The following ITGA1 variants were observed in gnomAD, a reference collection of about 807,000 sequenced individuals.
ITGA1 encodes integrin alpha-1.
ITGA1 carries 85 observed loss-of-function variants against 145.9 expected under a neutral mutation model. That is an observed-to-expected ratio of 0.58 (90% CI 0.49 to 0.70). The LOEUF is 0.70. ITGA1 is among the 30% of genes least tolerant of loss of function. ITGA1 has a pLI of 0.00. For synonymous variants in ITGA1, 520 were observed against 495.3 expected, an observed-to-expected ratio of 1.05 and a Z score of -0.66; for missense variants, 1,351 against 1,418.7, an observed-to-expected ratio of 0.95 and a Z score of 0.77.
intron 9 of ITGA1, among the ~76,000 whole-genome samples, chr5:52,895,349 A>G (rs1462274178): frequency 6.6e-6 from 1 of 152,100 alleles, no homozygotes; most frequent in African/African-American, 2.4e-5. Context: ...TGTACAAGTC[A>G]TTTTTAAGTG....
At chr5:52,931,553 A>G (rs914096150) in intron 21 of ITGA1, 1 of 152,318 alleles carries the variant, frequency 6.6e-6, no homozygotes, top group Non-Finnish European at 1.5e-5. Flanking sequence ...AGTACTTAGT[A>G]TGGAAAGACT....
At chr5:52,886,167 G>A (rs1277021218) in intron 7 of ITGA1, among the ~76,000 whole-genome samples, 2 of 152,134 alleles carry the variant, frequency 1.3e-5, no homozygotes, top group African/African-American at 2.4e-5. Context: ...AGCCTGACTC[G>A]GTTTTGGTCA....
chr5:52,929,491 G>T, intron 20 of ITGA1, 134 bp from the exon 21 acceptor site: 1 of 619,632 alleles, frequency 1.6e-6, no homozygotes, highest in Non-Finnish European at 2.9e-6. Context: ...GATACAATAA[G>T]GTTTCATTTT....
intron 1 of ITGA1, among the ~76,000 whole-genome samples, chr5:52,827,301 A>T (rs1748985179): frequency 1.3e-5 from 2 of 152,284 alleles, no homozygotes; most frequent in South Asian, 4.1e-4. Context: ...TGATCTCATG[A>T]TAAAACTTTA....
At chr5:52,816,479 C>T (rs1580044038) in intron 1 of ITGA1, among the ~76,000 whole-genome samples, 1 of 152,212 alleles carries the variant, frequency 6.6e-6, no homozygotes, top group East Asian at 1.9e-4. Context: ...CCTATTGCCC[C>T]AACCCACATA....
At chr5:52,887,603 C>A (rs1416640487) in intron 7 of ITGA1, among the ~76,000 whole-genome samples, 1 of 152,136 alleles carries the variant, frequency 6.6e-6, no homozygotes, top group Non-Finnish European at 1.5e-5. Flanking sequence ...TGGTGATTAG[C>A]AAAACGGAGA....
chr5:52,859,603 C>A (rs1482650214), intron 2 of ITGA1, among the ~76,000 whole-genome samples: 1 of 152,200 alleles, frequency 6.6e-6, no homozygotes, highest in Non-Finnish European at 1.5e-5. Flanking sequence ...AATCCCATTT[C>A]TTTTCAATAT....
At chr5:52,884,256 CA>C (rs1415961522) in intron 7 of ITGA1, among the ~76,000 whole-genome samples, 1 of 151,868 alleles carries the variant, frequency 6.6e-6, no homozygotes. Context: ...GCAGCCTGGC[CA>C]ACATGGTGAA....
At chr5:52,888,340 A>C (rs927348220) in intron 8 of ITGA1, among the ~76,000 whole-genome samples, 1 of 152,146 alleles carries the variant, frequency 6.6e-6, no homozygotes, top group African/African-American at 2.4e-5. Context: ...AAGGCGGGAA[A>C]AATGCCTTTG....
At chr5:52,865,905 A>C (rs1186512930) in intron 6 of ITGA1, 88 bp downstream of exon 6, 2 of 1,101,642 alleles carry the variant, frequency 1.8e-6, no homozygotes, top group Non-Finnish European at 2.5e-6. Flanking sequence ...AAAGCAAATT[A>C]ATCAATAAAA....
chr5:52,911,172 C>CAT (rs1174849970), intron 14 of ITGA1, among the ~76,000 whole-genome samples: 6 of 127,734 alleles, frequency 4.7e-5, no homozygotes, highest in African/African-American at 1.7e-4. Flanking sequence ...ATATAGAGTA[C>CAT]ATATTGTATA....
At chr5:52,883,679 TAA>T (rs1750001539) in intron 7 of ITGA1, among the ~76,000 whole-genome samples, 1 of 152,182 alleles carries the variant, frequency 6.6e-6, no homozygotes, top group Non-Finnish European at 1.5e-5. Context: ...CTTTTGTCAA[TAA>T]ACTTACAGTA....
chr5:52,825,919 GA>G (rs33949308), intron 1 of ITGA1, among the ~76,000 whole-genome samples: 38,790 of 124,546 alleles, frequency 0.31, 5,429 homozygotes, highest in East Asian at 0.6. Context: ...CTCTGTCAAA[GA>G]AAAAAAAAAA....
chr5:52,847,138 G>A (rs1749350689), intron 1 of ITGA1, among the ~76,000 whole-genome samples: 1 of 152,020 alleles, frequency 6.6e-6, no homozygotes, highest in Non-Finnish European at 1.5e-5. Flanking sequence ...CTCCATGAGA[G>A]GTTTCTTAAA....
chr5:52,792,850 A>G (rs1234700508), intron 1 of ITGA1, among the ~76,000 whole-genome samples: 1 of 152,200 alleles, frequency 6.6e-6, no homozygotes, highest in Non-Finnish European at 1.5e-5. Flanking sequence ...TAAAGTCAGA[A>G]TAGATTGCCT....
At chr5:52,947,205 C>T in intron 27 of ITGA1, 140 bp from the exon 28 acceptor site, 1 of 567,046 alleles carries the variant, frequency 1.8e-6, no homozygotes, top group Non-Finnish European at 3.2e-6. Flanking sequence ...AGAGCATTTT[C>T]TAATGTAAAT....
intron 20 of ITGA1, among the ~76,000 whole-genome samples, chr5:52,928,462 A>T (rs1750846124): frequency 1.3e-5 from 2 of 152,236 alleles, no homozygotes; most frequent in Admixed American, 1.3e-4. Flanking sequence ...ACTCGTTGAA[A>T]GTGTGTATTT....
At chr5:52,846,096 GT>G (rs1749329043) in intron 1 of ITGA1, among the ~76,000 whole-genome samples, 1 of 152,024 alleles carries the variant, frequency 6.6e-6, no homozygotes, top group African/African-American at 2.4e-5. Flanking sequence ...ACTGTATACT[GT>G]AGGTCACGGA....
chr5:52,868,788 AC>A (rs1399198452), intron 6 of ITGA1, among the ~76,000 whole-genome samples: 2 of 152,208 alleles, frequency 1.3e-5, no homozygotes, highest in Non-Finnish European at 2.9e-5. Context: ...TTCTGACTTC[AC>A]CCAAGGGAAC....
Sources: gnomAD v4.1 joint callset for allele counts (sites outside exome capture counted in the v4.1 genomes callset) on GRCh38, gnomAD v4.1.1 for gene constraint, MANE v1.5 for transcripts, NCBI Gene and HGNC (gene_info 2026-07-23, HGNC 2026-07-21) for gene names.